The following DHRSX variants were observed in gnomAD, a reference collection of about 807,000 sequenced individuals.
DHRSX encodes the protein polyprenol dehydrogenase.
DHRSX carries 31 observed loss-of-function variants against 34.0 expected under a neutral mutation model. The observed-to-expected ratio is 0.91, with a 90% CI of 0.69 to 1.23. The LOEUF is 1.23. Among genes scored for constraint, DHRSX ranks in the 50% most tolerant of loss-of-function variants. DHRSX has a pLI of 0.00. For missense variants in DHRSX, 414 were observed against 428.1 expected (o/e 0.97, Z 0.29); for synonymous variants, 201 against 183.8 (o/e 1.09, Z -0.76).
intron 3 of DHRSX, among the ~76,000 whole-genome samples, chrX:2,298,601 TACACACACACAC>T (rs747078260): frequency 0.37 from 48,191 of 131,680 alleles, 9,566 homozygotes; most frequent in Middle Eastern, 0.49. Flanking sequence ...GGCGCGTGTG[TACACACACACAC>T]ACACACACAC....
At chrX:2,331,757 G>A (rs1255900857) in intron 3 of DHRSX, among the ~76,000 whole-genome samples, 4 of 151,744 alleles carry the variant, frequency 2.6e-5, no homozygotes, top group Admixed American at 6.6e-5. Flanking sequence ...GCCCTGACTC[G>A]AATTTTGAAA....
intron 1 of DHRSX, among the ~76,000 whole-genome samples, chrX:2,437,812 A>G (rs1250789533): frequency 6.6e-6 from 1 of 151,716 alleles, no homozygotes; most frequent in Non-Finnish European, 1.5e-5. Flanking sequence ...CCAGGAACAC[A>G]TTTTCCTGAT....
At chrX:2,431,805 C>A (rs779838621) in intron 1 of DHRSX, among the ~76,000 whole-genome samples, 10 of 152,236 alleles carry the variant, frequency 6.6e-5, no homozygotes, top group African/African-American at 2.4e-4. Context: ...GAGTGCTGTG[C>A]TGACTACCTG....
At chrX:2,484,287 A>T (rs1327456817) in intron 1 of DHRSX, among the ~76,000 whole-genome samples, 1 of 152,166 alleles carries the variant, frequency 6.6e-6, no homozygotes. Context: ...ATGCTTTTAG[A>T]CACAACGGCA....
At chrX:2,232,563 G>A (rs181093192) in intron 6 of DHRSX, among the ~76,000 whole-genome samples, 9 of 152,034 alleles carry the variant, frequency 5.9e-5, no homozygotes, top group African/African-American at 1.7e-4. Context: ...GGAGGCCCAA[G>A]AATCAGCATT....
Position 2,437,696 on chromosome X carries a change from AGAGTGT to A in DHRSX, c.110-12398_110-12393del, listed in dbSNP as rs1404471355. On this transcript the variant is annotated intron_variant, in intron 1 of 6. Coordinates refer to ENST00000334651, the MANE Select transcript of DHRSX (RefSeq NM_145177.3). ...CAGAGAGAGAGAGAGAGAGAGAGAG[AGAGTGT>A]GTGTGTGTGTGTGTGTGTGTGTGTG... 2.8e-3 allele frequency among the ~76,000 whole-genome samples: 263 copies of A among 92,296 alleles called. 1 individual carries two copies. The highest frequency in any genetic ancestry group is 0.021 in the Middle Eastern group (3 of 142). The allele number at this position is 92,296 out of a possible 152,430, so 60.5% of individuals were successfully genotyped here. A position where few individuals can be genotyped will look rare whatever the true frequency, so the allele number is the denominator to read the frequency against.
chrX:2,393,429 G>A (rs1202763086), intron 3 of DHRSX, among the ~76,000 whole-genome samples: 1 of 150,144 alleles, frequency 6.7e-6, no homozygotes, highest in Non-Finnish European at 1.5e-5. Context: ...TGACACACAG[G>A]GACCTCCCCA....
intron 6 of DHRSX, among the ~76,000 whole-genome samples, chrX:2,232,571 ATTTT>A (rs762236265): frequency 6.6e-5 from 10 of 150,982 alleles, no homozygotes; most frequent in African/African-American, 2.4e-4. Context: ...AAGAATCAGC[ATTTT>A]TTTTTATTTT....
At chrX:2,269,148 A>G (rs2124465851) in intron 4 of DHRSX, among the ~76,000 whole-genome samples, 1 of 152,354 alleles carries the variant, frequency 6.6e-6, no homozygotes, top group Admixed American at 6.5e-5. Context: ...AGCTATCTAT[A>G]CATATATGTA....
chrX:2,248,328 G>C (rs1211498769), intron 5 of DHRSX, among the ~76,000 whole-genome samples: 4 of 152,006 alleles, frequency 2.6e-5, no homozygotes, highest in African/African-American at 9.7e-5. Context: ...AGCTACTTGG[G>C]AGGCTGAGGC....
chrX:2,418,986 G>A (rs1049203915), intron 2 of DHRSX, among the ~76,000 whole-genome samples: 1 of 152,098 alleles, frequency 6.6e-6, no homozygotes, highest in Non-Finnish European at 1.5e-5. Flanking sequence ...ACAGATCATG[G>A]AGGTGCTCAA....
intron 1 of DHRSX, among the ~76,000 whole-genome samples, chrX:2,428,330 T>A (rs2043874655): frequency 1.3e-5 from 2 of 152,188 alleles, no homozygotes; most frequent in Non-Finnish European, 2.9e-5. Context: ...CGTATGTTTA[T>A]TGCAGCACTG....
intron 1 of DHRSX, among the ~76,000 whole-genome samples, chrX:2,448,877 C>T (rs911898265): frequency 4.6e-5 from 7 of 152,056 alleles, no homozygotes; most frequent in African/African-American, 1.4e-4. Context: ...GAAAGGATTC[C>T]AGTTATGTGC....
intron 4 of DHRSX, among the ~76,000 whole-genome samples, chrX:2,286,903 A>G (rs1437644163): frequency 2.0e-5 from 3 of 152,200 alleles, no homozygotes; most frequent in Admixed American, 6.5e-5. Context: ...ATGGATTCTC[A>G]TTATCACCTC....
At chrX:2,306,305 A>AG (rs1398450008) in intron 3 of DHRSX, among the ~76,000 whole-genome samples, 1 of 151,898 alleles carries the variant, frequency 6.6e-6, no homozygotes, top group African/African-American at 2.4e-5. Flanking sequence ...TGGCATCACT[A>AG]GGGGAAGATG....
At position 2,393,899 on chromosome X, in the gene DHRSX, C is replaced by G. The variant is rs2043375606; in HGVS notation, c.286+14846G>C. 2.0e-5 allele frequency among the ~76,000 whole-genome samples: 3 copies of G among 151,526 alleles called. No homozygotes were observed. In the South Asian group the frequency reaches 6.3e-4, roughly 32 times the overall value. ...ACACAACACCCAGGGACCTCCCTGTCTCCTGCACACACGACACACAGTGAC... is the reference window on the plus strand; with the variant it reads ...ACACAACACCCAGGGACCTCCCTGTGTCCTGCACACACGACACACAGTGAC... On this transcript the variant is annotated intron_variant, in intron 3 of 6. Transcript: ENST00000334651.
intron 3 of DHRSX, among the ~76,000 whole-genome samples, chrX:2,373,840 A>G (rs1259567329): frequency 6.6e-6 from 1 of 152,184 alleles, no homozygotes; most frequent in African/African-American, 2.4e-5. Flanking sequence ...TGTTGACAGC[A>G]GGAGATGGTG....
chrX:2,253,263 C>T (rs1297560568), intron 5 of DHRSX, among the ~76,000 whole-genome samples: 2 of 151,338 alleles, frequency 1.3e-5, no homozygotes, highest in African/African-American at 2.4e-5. Flanking sequence ...GCCTAGGAGG[C>T]GGACGTGGTC....
At chrX:2,359,215 A>G (rs191142073) in intron 3 of DHRSX, among the ~76,000 whole-genome samples, 1 of 152,344 alleles carries the variant, frequency 6.6e-6, no homozygotes, top group Admixed American at 6.5e-5. Context: ...ACCTAAAAAC[A>G]GAAATATCAT....
Sources: gnomAD v4.1 joint callset for allele counts (sites outside exome capture counted in the v4.1 genomes callset) on GRCh38, gnomAD v4.1.1 for gene constraint, MANE v1.5 for transcripts, NCBI Gene and HGNC (gene_info 2026-07-23, HGNC 2026-07-21) for gene names.